ZCCHC17: variants seen among roughly 807,000 people sequenced by gnomAD.
ZCCHC17 encodes zinc finger CCHC-type containing 17, also known as zinc finger CCHC domain-containing protein 17.
In ZCCHC17, 18 loss-of-function variants were observed where a neutral mutation model predicts 30.6. The ratio of observed to expected loss-of-function variants is 0.59; its 90% confidence interval spans 0.41 to 0.87. The LOEUF (loss-of-function observed/expected upper bound fraction) is 0.87, where lower values mean the gene tolerates loss of function less well. Among genes scored for constraint, ZCCHC17 ranks in the 40% least tolerant of loss-of-function variants. The pLI, the probability that ZCCHC17 is intolerant of heterozygous loss-of-function variation, is 0.00. For missense variants in ZCCHC17, 263 were observed against 284.2 expected, an observed-to-expected ratio of 0.93 and a Z score of 0.54; for synonymous variants, 88 against 92.4, an observed-to-expected ratio of 0.95 and a Z score of 0.27.
At chr1:31,358,844 A>G (rs376871628) in intron 7 of ZCCHC17, among the ~76,000 whole-genome samples, 4 of 152,176 alleles carry the variant, frequency 2.6e-5, no homozygotes, top group African/African-American at 7.2e-5. Context: ...TCATCTACAT[A>G]TAGATGGTAT....
intron 3 of ZCCHC17, among the ~76,000 whole-genome samples, chr1:31,324,260 G>A (rs1638248378): frequency 1.3e-5 from 2 of 152,192 alleles, no homozygotes; most frequent in South Asian, 4.1e-4. Flanking sequence ...ATCACTTGAG[G>A]CCAAGAGTTC....
At chr1:31,334,198 TGGG>T (rs1443321924) in intron 3 of ZCCHC17, among the ~76,000 whole-genome samples, 10 of 152,110 alleles carry the variant, frequency 6.6e-5, no homozygotes. Flanking sequence ...TGTAGGTATG[TGGG>T]ATGTAGTGAT....
At chr1:31,313,551 C>T (rs530770288) in intron 2 of ZCCHC17, among the ~76,000 whole-genome samples, 1 of 152,220 alleles carries the variant, frequency 6.6e-6, no homozygotes, top group South Asian at 2.1e-4. Flanking sequence ...TAAGTTGATC[C>T]CAACTTGTAA....
At chr1:31,319,724 C>G (rs745791698) in intron 3 of ZCCHC17, among the ~76,000 whole-genome samples, 16 of 152,064 alleles carry the variant, frequency 1.1e-4, no homozygotes, top group Non-Finnish European at 2.1e-4. Flanking sequence ...AGTGATTTGG[C>G]TAGGTAGTGG....
At chr1:31,340,824 G>A (rs1016947725) in intron 5 of ZCCHC17, among the ~76,000 whole-genome samples, 2 of 152,186 alleles carry the variant, frequency 1.3e-5, no homozygotes, top group African/African-American at 4.8e-5. Flanking sequence ...ATTTGAGTGG[G>A]ATCTTATTGG....
At chr1:31,309,801 TA>T (rs1282825793) in intron 1 of ZCCHC17, among the ~76,000 whole-genome samples, 2 of 152,094 alleles carry the variant, frequency 1.3e-5, no homozygotes, top group Non-Finnish European at 2.9e-5. Context: ...AATAGCAATT[TA>T]AAAAAACCAA....
At chr1:31,361,602 AC>A (rs921609896) in intron 7 of ZCCHC17, among the ~76,000 whole-genome samples, 3 of 152,158 alleles carry the variant, frequency 2.0e-5, no homozygotes, top group Non-Finnish European at 4.4e-5. Flanking sequence ...GCCTCCTGTT[AC>A]CATACAGAAA....
At chr1:31,328,511 A>G (rs1056913989) in intron 3 of ZCCHC17, among the ~76,000 whole-genome samples, 3 of 151,692 alleles carry the variant, frequency 2.0e-5, no homozygotes, top group African/African-American at 7.3e-5. Context: ...CTGTCTCAAA[A>G]ATAAATAAAT....
chr1:31,341,785 T>A lies in ZCCHC17; in HGVS notation c.317+2737T>A, dbSNP rs140020212. On this transcript the variant is annotated intron_variant, in intron 5 of 7. Transcript: ENST00000344147. Reference sequence around the variant, plus strand: ...AACATATATCTAAGGAATGCTTGAGTGATTTAAGTAAAATCTTATTTGTAA... The same window carrying A: ...AACATATATCTAAGGAATGCTTGAGAGATTTAAGTAAAATCTTATTTGTAA... Among the ~76,000 whole-genome samples the A allele has an allele frequency of 7.6e-3, 1,153 of 152,362 alleles. 12 individuals carry two copies. The highest frequency in any genetic ancestry group is 0.026 in the African/African-American group (1,079 of 41,586).
chr1:31,322,470 GC>G (rs574444836), intron 3 of ZCCHC17, among the ~76,000 whole-genome samples: 120 of 152,314 alleles, frequency 7.9e-4, no homozygotes, highest in Non-Finnish European at 1.2e-3. Flanking sequence ...ATAAAAATGA[GC>G]AGTCAGATGA....
chr1:31,319,970 G>A (rs1216195182), intron 3 of ZCCHC17, among the ~76,000 whole-genome samples: 4 of 152,270 alleles, frequency 2.6e-5, no homozygotes, highest in Admixed American at 2.6e-4. Flanking sequence ...ATTGTAATCA[G>A]AGTTAAGTTT....
rs149900635 is a variant in ZCCHC17 at position 31,310,175 on chromosome 1, T to C, written c.66+11T>C. On this transcript the variant is annotated intron_variant, in intron 2 of 7. Transcript: ENST00000344147. ...ATTTTCCAAGGAGAGGTATATTCTTTTGTGCTTTGAAAACCCACCATTTAT... is the reference window on the plus strand; with the variant it reads ...ATTTTCCAAGGAGAGGTATATTCTTCTGTGCTTTGAAAACCCACCATTTAT... 8 of 1,613,782 alleles carry C rather than the reference T, an allele frequency of 5.0e-6. No individual in the cohort carries two copies. In the East Asian group the frequency reaches 1.6e-4, roughly 31 times the overall value.
chr1:31,303,437 A>G (rs1011998956), intron 1 of ZCCHC17, among the ~76,000 whole-genome samples: 3 of 152,254 alleles, frequency 2.0e-5, no homozygotes, highest in African/African-American at 7.2e-5. Flanking sequence ...CTAGTCAATT[A>G]GTACTCAAGT....
chr1:31,319,177 A>G lies in ZCCHC17; in HGVS notation c.124+11A>G, dbSNP rs1020976920. On this transcript the variant is annotated intron_variant, in intron 3 of 7. Coordinates refer to ENST00000344147, the MANE Select transcript of ZCCHC17 (RefSeq NM_016505.4). Reference sequence around the variant, plus strand: ...GCTGTCGGAAGCAAGGTAGGAGTTTATAACTTGAAATTCAGCCCTCTGATT... The same window carrying G: ...GCTGTCGGAAGCAAGGTAGGAGTTTGTAACTTGAAATTCAGCCCTCTGATT... 16 of 1,605,730 alleles carry G rather than the reference A, an allele frequency of 1.0e-5. No homozygotes were observed. Among genetic ancestry groups the G allele is most frequent in the Non-Finnish European group, 1.3e-5 (15 of 1,173,726 alleles).
intron 3 of ZCCHC17, among the ~76,000 whole-genome samples, chr1:31,333,634 G>A (rs981513697): frequency 2.3e-4 from 35 of 152,138 alleles, no homozygotes; most frequent in African/African-American, 8.0e-4. Context: ...TTCAGTTGTA[G>A]CATAAAATAA....
intron 7 of ZCCHC17, among the ~76,000 whole-genome samples, chr1:31,362,229 A>G (rs978109746): frequency 3.3e-5 from 5 of 152,210 alleles, no homozygotes; most frequent in East Asian, 1.9e-4. Flanking sequence ...GTCCAGGTCT[A>G]TCTAACACCT....
chr1:31,354,135 G>A (rs2148475997), intron 7 of ZCCHC17, among the ~76,000 whole-genome samples: 1 of 152,180 alleles, frequency 6.6e-6, no homozygotes, highest in Non-Finnish European at 1.5e-5. Context: ...GTAATTTTCT[G>A]TATACATGTC....
intron 5 of ZCCHC17, among the ~76,000 whole-genome samples, chr1:31,341,152 A>T (rs1050278816): frequency 2.0e-5 from 3 of 152,210 alleles, no homozygotes; most frequent in African/African-American, 7.2e-5. Context: ...TCACTCTTGC[A>T]TGTGACTTAC....
intron 6 of ZCCHC17, 113 bp downstream of exon 6, chr1:31,346,853 A>G: frequency 6.5e-7 from 1 of 1,538,832 alleles, no homozygotes; most frequent in Non-Finnish European, 8.7e-7. Context: ...TAGCCAAGTG[A>G]TGGCCTTTGC....
Sources: allele counts gnomAD v4.1 joint callset (sites outside exome capture counted in the v4.1 genomes callset), GRCh38; gene constraint gnomAD v4.1.1; transcripts MANE v1.5; gene names NCBI Gene and HGNC (gene_info 2026-07-23, HGNC 2026-07-21).